The following EAF2 variants were observed in gnomAD, a reference collection of about 807,000 sequenced individuals.
The protein encoded by EAF2 is ELL-associated factor 2.
Under a neutral mutation model 29.4 loss-of-function variants are expected in EAF2, and 29 were observed. That is an observed-to-expected ratio of 0.99 (90% confidence interval 0.73 to 1.35). EAF2 has a LOEUF of 1.35. Among genes scored for constraint, EAF2 ranks in the 40% most tolerant of loss-of-function variants. EAF2 has a pLI of 0.00. For synonymous variants in EAF2, 103 were observed against 102.5 expected (o/e 1.00, Z -0.03); for missense variants, 292 against 312.0 (o/e 0.94, Z 0.48).
chr3:121,850,861 A>C (rs1708620069), intron 2 of EAF2, among the ~76,000 whole-genome samples: 2 of 151,842 alleles, frequency 1.3e-5, no homozygotes. Flanking sequence ...CACCATGCCC[A>C]GCTAATTTTT....
chr3:121,885,040 C>T (rs555836893), intron 5 of EAF2, among the ~76,000 whole-genome samples: 1 of 152,136 alleles, frequency 6.6e-6, no homozygotes, highest in Non-Finnish European at 1.5e-5. Flanking sequence ...ACTGCCAGTA[C>T]CATATATATT....
chr3:121,860,264 C>G (rs1409724627), intron 4 of EAF2, among the ~76,000 whole-genome samples: 1 of 152,176 alleles, frequency 6.6e-6, no homozygotes, highest in Non-Finnish European at 1.5e-5. Context: ...CCTCTTTCTA[C>G]CTCTGGTAGA....
Position 121,886,418 on chromosome 3 carries a change from T to A in EAF2, c.*30T>A. 1 of 1,308,706 alleles carries A rather than the reference T, an allele frequency of 7.6e-7. No homozygotes were observed. Among genetic ancestry groups the A allele is most frequent in the South Asian group, 1.8e-5 (1 of 54,146 alleles). The allele number at this position is 1,308,706 out of a possible 1,614,324, so 81.1% of individuals were successfully genotyped here. On this transcript the variant is annotated 3_prime_UTR_variant, in exon 6 of 6. Transcript: ENST00000273668. ...ATATTTAGCTATAAATAAAAATTTATACAGCATGTATAATTTATTTTGTAT... is the reference window on the plus strand; with the variant it reads ...ATATTTAGCTATAAATAAAAATTTAAACAGCATGTATAATTTATTTTGTAT...
chr3:121,845,439 T>C (rs1213748554), intron 2 of EAF2, among the ~76,000 whole-genome samples: 1 of 2,508 alleles, frequency 4.0e-4, no homozygotes, highest in Non-Finnish European at 6.4e-4. Context: ...CTCCTACATC[T>C]CAAAAAAAAA....
intron 5 of EAF2, among the ~76,000 whole-genome samples, chr3:121,884,746 A>G (rs1374471804): frequency 1.3e-5 from 2 of 152,194 alleles, no homozygotes; most frequent in South Asian, 2.1e-4. Flanking sequence ...TCTTTATCAA[A>G]TGATGTTATC....
At chr3:121,849,489 TGAGATTGGC>T (rs1708589006) in intron 2 of EAF2, among the ~76,000 whole-genome samples, 1 of 152,208 alleles carries the variant, frequency 6.6e-6, no homozygotes, top group African/African-American at 2.4e-5. Flanking sequence ...TCATTGGTGC[TGAGATTGGC>T]ATATTTTTGG....
chr3:121,840,699 C>T (rs533945521), intron 1 of EAF2, among the ~76,000 whole-genome samples: 4 of 140,658 alleles, frequency 2.8e-5, no homozygotes, highest in African/African-American at 1.1e-4. Context: ...CCCAGCCATT[C>T]GGGAGGCTGA....
intron 1 of EAF2, among the ~76,000 whole-genome samples, chr3:121,840,602 G>A (rs1250823435): frequency 6.6e-6 from 1 of 150,644 alleles, no homozygotes; most frequent in Admixed American, 6.6e-5. Flanking sequence ...TCAGGAGATC[G>A]AGACCATCCT....
chr3:121,836,613 T>G (rs1708294165), intron 1 of EAF2: 1 of 986,424 alleles, frequency 1.0e-6, no homozygotes, highest in Admixed American at 6.1e-5. Context: ...GTCCCTTGTT[T>G]ATTCTTCTTT....
intron 5 of EAF2, among the ~76,000 whole-genome samples, chr3:121,874,654 G>A (rs1018043121): frequency 1.3e-5 from 2 of 151,962 alleles, no homozygotes; most frequent in East Asian, 1.9e-4. Flanking sequence ...AGGGGTTCAG[G>A]ATATTTTATA....
chr3:121,851,754 A>G (rs1708636343), intron 2 of EAF2, among the ~76,000 whole-genome samples: 1 of 152,194 alleles, frequency 6.6e-6, no homozygotes, highest in Admixed American at 6.5e-5. Flanking sequence ...ACAAAATTGG[A>G]AAGAGAGTAG....
chr3:121,851,304 A>T (rs7652239), intron 2 of EAF2, among the ~76,000 whole-genome samples: 38,095 of 151,644 alleles, frequency 0.25, 5,053 homozygotes, highest in South Asian at 0.39. Context: ...CAGCCTTCCA[A>T]GCAGCTAGGA....
rs1708398218 is a variant in EAF2, at chr3:121,840,515, A to AAAAAAAC, written c.107-3937_107-3931dup. Among the ~76,000 whole-genome samples the AAAAAAAC allele has an allele frequency of 3.1e-3, 304 of 97,870 alleles. 8 individuals carry two copies. The highest frequency in any genetic ancestry group is 6.6e-3 in the South Asian group (19 of 2,858). 64.2% of individuals were successfully genotyped at this position (97,870 alleles called of 152,430 possible). A position where few individuals can be genotyped will look rare whatever the true frequency, so the allele number is the denominator to read the frequency against. ...AAAAAAAAAAAAAAAAAAAGAAAAA[A>AAAAAAAC]AAAAAACGGGCCGGGTGCGGTGGCT... On this transcript the variant is annotated intron_variant, in intron 1 of 5. Coordinates refer to ENST00000273668, the MANE Select transcript of EAF2 (RefSeq NM_018456.6).
chr3:121,863,166 C>G (rs1708863621), intron 4 of EAF2, among the ~76,000 whole-genome samples: 1 of 152,214 alleles, frequency 6.6e-6, no homozygotes, highest in South Asian at 2.1e-4. Flanking sequence ...AGGAGGAAGT[C>G]TGTCCGTTCT....
chr3:121,854,804 A>T lies in EAF2; in HGVS notation c.319A>T (p.Ile107Phe). 6.4e-7 allele frequency: 1 copy of T among 1,568,760 alleles called. No homozygotes were observed. Among genetic ancestry groups the T allele is most frequent in the East Asian group, 2.3e-5 (1 of 42,854 alleles). The change falls in exon 3 of 6, where the codon ATC becomes TTC. Residue 107 changes from isoleucine (I) to phenylalanine (F), a missense_variant. Physicochemically the swap from Ile to Phe is conservative, Grantham distance 21. Transcript: ENST00000273668. ...TCGGCTAGAAAAACTCAGCAGCAAC[A>T]TCACTGTAAAAAAAACAAGGTATGT... Reference protein sequence around the residue: ...ECRLEKLSSNITVKKTRVEGS... With the variant: ...ECRLEKLSSNFTVKKTRVEGS...
intron 5 of EAF2, among the ~76,000 whole-genome samples, chr3:121,885,016 G>A (rs1709260289): frequency 1.3e-5 from 2 of 152,112 alleles, no homozygotes; most frequent in African/African-American, 4.8e-5. Context: ...TTTAGCTCCA[G>A]ACTTGTATAT....
chr3:121,840,805 CAAAAAAAAA>C (rs5852282), intron 1 of EAF2, among the ~76,000 whole-genome samples: 2 of 86,890 alleles, frequency 2.3e-5, no homozygotes, highest in Admixed American at 1.6e-4. Context: ...GACTCCGTCT[CAAAAAAAAA>C]AAAAAAAAAA....
chr3:121,842,329 A>T (rs2107498652), intron 1 of EAF2, among the ~76,000 whole-genome samples: 1 of 152,322 alleles, frequency 6.6e-6, no homozygotes, highest in Non-Finnish European at 1.5e-5. Flanking sequence ...ATCCATATTA[A>T]ATGACTTTGG....
At chr3:121,836,785 T>C in intron 1 of EAF2, 1 of 987,458 alleles carries the variant, frequency 1.0e-6, no homozygotes, top group Non-Finnish European at 1.2e-6. Flanking sequence ...CCTTTTCTCT[T>C]CCTTCTCAGG....
Sources: gnomAD v4.1 joint callset for allele counts (sites outside exome capture counted in the v4.1 genomes callset) on GRCh38, gnomAD v4.1.1 for gene constraint, MANE v1.5 for transcripts, NCBI Gene and HGNC (gene_info 2026-07-23, HGNC 2026-07-21) for gene names.